The following F13A1 variants were observed in gnomAD, a reference collection of about 807,000 sequenced individuals.
F13A1 encodes coagulation factor XIII A chain.
A neutral mutation model predicts 80.1 loss-of-function variants in F13A1; 47 were observed. The ratio of observed to expected loss-of-function variants is 0.59; its 90% confidence interval spans 0.46 to 0.75. F13A1 has a LOEUF of 0.75. Among genes scored for constraint, F13A1 ranks in the 30% least tolerant of loss-of-function variants. F13A1 has a pLI of 0.00. For synonymous variants in F13A1, 349 were observed against 344.9 expected (o/e 1.01, Z -0.13); for missense variants, 817 against 930.4 (o/e 0.88, Z 1.59).
chr6:6,230,727 C>T (rs115652364), intron 6 of F13A1, among the ~76,000 whole-genome samples: 6 of 152,124 alleles, frequency 3.9e-5, no homozygotes, highest in Admixed American at 1.3e-4. Context: ...GGCGCTATTC[C>T]GGTGGCTGAG....
chr6:6,178,178 T>C (rs1760917635), intron 11 of F13A1, among the ~76,000 whole-genome samples: 1 of 151,950 alleles, frequency 6.6e-6, no homozygotes, highest in Admixed American at 6.6e-5. Context: ...ATTGGGAAGC[T>C]AGAGCAAGTA....
chr6:6,193,171 G>C (rs564498169), intron 10 of F13A1, among the ~76,000 whole-genome samples: 1 of 152,166 alleles, frequency 6.6e-6, no homozygotes, highest in African/African-American at 2.4e-5. Flanking sequence ...AACTTCCAAA[G>C]TGGAGGAGGA....
chr6:6,154,789 C>T (rs566018751), intron 13 of F13A1, among the ~76,000 whole-genome samples: 59 of 152,308 alleles, frequency 3.9e-4, no homozygotes, highest in African/African-American at 1.4e-3. Context: ...ATTTCAAAAA[C>T]ATCTTTGGAT....
intron 13 of F13A1, among the ~76,000 whole-genome samples, chr6:6,158,905 CTT>C (rs757943032): frequency 1.0e-5 from 1 of 95,906 alleles, no homozygotes. Context: ...TTTTTTCTTT[CTT>C]TTTTTTTTTT....
intron 3 of F13A1, among the ~76,000 whole-genome samples, chr6:6,289,265 G>A (rs1150853): frequency 6.6e-6 from 1 of 151,962 alleles, no homozygotes; most frequent in Non-Finnish European, 1.5e-5. Context: ...AGTCCAAGCC[G>A]CCTCTTTCCC....
At chr6:6,298,206 GA>G (rs1303581227) in intron 3 of F13A1, among the ~76,000 whole-genome samples, 1 of 145,106 alleles carries the variant, frequency 6.9e-6, no homozygotes, top group Admixed American at 6.8e-5. Flanking sequence ...GTGTGGTGCT[GA>G]AAAAAATGTA....
At chr6:6,301,560 A>C (rs1413862082) in intron 3 of F13A1, among the ~76,000 whole-genome samples, 1 of 152,264 alleles carries the variant, frequency 6.6e-6, no homozygotes, top group Non-Finnish European at 1.5e-5. Context: ...TGGTTTAAAA[A>C]TATACAGATT....
At position 6,194,128 on chromosome 6, in the gene F13A1, C is replaced by T. The variant is rs144794617; in HGVS notation, c.1305+1669G>A. Among the ~76,000 whole-genome samples, 1,000 of 152,218 alleles carry T rather than the reference C, an allele frequency of 6.6e-3. 16 individuals carry two copies. Among genetic ancestry groups the T allele is most frequent in the African/African-American group, 0.022 (921 of 41,522 alleles). On this transcript the variant is annotated intron_variant, in intron 10 of 14. Transcript: ENST00000264870. ...TTCCATCTCTGGCTTGGAGGGATGA[C>T]CAGCCCTCTAGATGTTCCCCACAAC...
intron 10 of F13A1, among the ~76,000 whole-genome samples, chr6:6,191,070 A>C (rs1432850310): frequency 6.6e-6 from 1 of 151,770 alleles, no homozygotes; most frequent in East Asian, 1.9e-4. Flanking sequence ...GCAATGCCTC[A>C]CCCTGCTTTG....
chr6:6,166,318 C>A (rs768026839), intron 13 of F13A1, among the ~76,000 whole-genome samples: 34 of 152,210 alleles, frequency 2.2e-4, no homozygotes, highest in Non-Finnish European at 3.8e-4. Context: ...CACTGCCATT[C>A]TGAATGCTGC....
chr6:6,150,211 A>G (rs532636236), intron 14 of F13A1, among the ~76,000 whole-genome samples: 1 of 152,258 alleles, frequency 6.6e-6, no homozygotes, highest in South Asian at 2.1e-4. Context: ...ATGGAAGAGG[A>G]AACGTGTTTC....
At chr6:6,166,910 GA>G (rs1313831181) in intron 13 of F13A1, among the ~76,000 whole-genome samples, 1 of 152,198 alleles carries the variant, frequency 6.6e-6, no homozygotes, top group African/African-American at 2.4e-5. Context: ...TAAAAGGCAA[GA>G]GGGAACCTTC....
chr6:6,313,269 T>C (rs1274275909), intron 2 of F13A1, among the ~76,000 whole-genome samples: 1 of 147,366 alleles, frequency 6.8e-6, no homozygotes, highest in African/African-American at 2.5e-5. Flanking sequence ...AACAGCTCAT[T>C]GCTAAGCCGC....
Position 6,224,847 on chromosome 6 carries a change from T to C in F13A1, c.812A>G (p.Asp271Gly), listed in dbSNP as rs1259783245. ...RVGSAMVNAK[D>G]DEGVLVGSWD... Reference sequence around the variant, plus strand: ...GGATCCAACGAGGACACCTTCGTCATCTTTGGCATTCACCTAAATGAGTCC... The same window carrying C: ...GGATCCAACGAGGACACCTTCGTCACCTTTGGCATTCACCTAAATGAGTCC... The change falls in exon 7 of 15, where the codon GAT (aspartate) becomes GGT (glycine). Residue 271 changes from aspartate to glycine, a missense_variant. By Grantham distance (94) the Asp-to-Gly change is moderately conservative. Transcript: ENST00000264870. 1.1e-5 allele frequency: 18 copies of C among 1,614,044 alleles called. No homozygotes were observed. Among genetic ancestry groups the C allele is most frequent in the Admixed American group, 1.7e-5 (1 of 60,022 alleles).
chr6:6,174,593 C>T lies in F13A1; in HGVS notation c.1734G>A (p.Leu578=), dbSNP rs1337846979. 1.9e-6 allele frequency: 3 copies of T among 1,614,114 alleles called. No homozygotes were observed. The highest frequency in any genetic ancestry group is 3.3e-5 in the Admixed American group (2 of 60,018). ...TTGTTAGCTTACAGGACAAGGGCTCCAGCGTCACGTCGAACGTCTCCTTCT... is the reference window on the plus strand; with the variant it reads ...TTGTTAGCTTACAGGACAAGGGCTCTAGCGTCACGTCGAACGTCTCCTTCT... ...EFKKETFDVT[L]EPLSFKKEAV... Residue 578 remains leucine (L), a synonymous_variant, in exon 12 of 15, where the codon CTG becomes CTA. Transcript: ENST00000264870.
At chr6:6,279,056 G>T (rs2113140321) in intron 3 of F13A1, among the ~76,000 whole-genome samples, 1 of 152,234 alleles carries the variant, frequency 6.6e-6, no homozygotes, top group Non-Finnish European at 1.5e-5. Flanking sequence ...AAGGCAATGT[G>T]TTTGCTTAAA....
chr6:6,308,706 G>A (rs1173057192), intron 2 of F13A1, among the ~76,000 whole-genome samples: 2 of 143,248 alleles, frequency 1.4e-5, no homozygotes, highest in Non-Finnish European at 3.0e-5. Context: ...TCTGCCTCCC[G>A]GGTTCAAGCA....
chr6:6,165,838 C>A (rs1760661729), intron 13 of F13A1, among the ~76,000 whole-genome samples: 1 of 152,264 alleles, frequency 6.6e-6, no homozygotes, highest in Admixed American at 6.5e-5. Context: ...CCCTGCACAG[C>A]CTCGTTTTCA....
intron 3 of F13A1, among the ~76,000 whole-genome samples, chr6:6,288,889 C>G: frequency 6.6e-6 from 1 of 152,254 alleles, no homozygotes; most frequent in South Asian, 2.1e-4. Flanking sequence ...ATTTGCGTTT[C>G]CCTGATGATT....
Sources: allele counts gnomAD v4.1 joint callset (sites outside exome capture counted in the v4.1 genomes callset), GRCh38; gene constraint gnomAD v4.1.1; transcripts MANE v1.5; gene names NCBI Gene and HGNC (gene_info 2026-07-23, HGNC 2026-07-21).